Variants in ZNF516 observed in about 807,000 individuals in gnomAD.
ZNF516 encodes zinc finger protein 516.
In ZNF516, 19 loss-of-function variants were observed where a neutral mutation model predicts 79.7. The ratio of observed to expected loss-of-function variants is 0.24; its 90% CI spans 0.17 to 0.35. The LOEUF (loss-of-function observed/expected upper bound fraction) is 0.35, where lower values mean the gene tolerates loss of function less well. Among genes scored for constraint, ZNF516 ranks in the 10% least tolerant of loss-of-function variants. The pLI is 1.00. For missense variants in ZNF516, 1,678 were observed against 1,679.5 expected, an observed-to-expected ratio of 1.00 and a Z score of 0.02; for synonymous variants, 877 against 739.5, an observed-to-expected ratio of 1.19 and a Z score of -3.02.
Position 76,361,711 on chromosome 18 carries a change from T to C in ZNF516, c.*787A>G, listed in dbSNP as rs1243251065. 1 of 152,256 alleles carries C rather than the reference T, an allele frequency of 6.6e-6. No individual in the cohort carries two copies. The highest frequency in any genetic ancestry group is 1.9e-4 in the East Asian group (1 of 5,204). 9.4% of individuals were successfully genotyped at this position (152,256 alleles called of 1,614,324 possible). On this transcript the variant is annotated 3_prime_UTR_variant, in exon 7 of 7. Transcript: ENST00000443185. ...CCCTGTTACAAAAAGGTCCTGAGAA[T>C]AAACAAGAAGCCTGCTTTTCTTAGT... is the stretch of plus-strand genomic sequence containing the variant.
chr18:76,471,255 G>GA (rs533579669), intron 1 of ZNF516, among the ~76,000 whole-genome samples: 6,537 of 140,214 alleles, frequency 0.047, 172 homozygotes, highest in Non-Finnish European at 0.063. Flanking sequence ...CCTCCACACG[G>GA]AAAAAAAAAA....
At chr18:76,440,742 T>TGTG (rs1555711267) in intron 3 of ZNF516, among the ~76,000 whole-genome samples, 35 of 150,050 alleles carry the variant, frequency 2.3e-4, no homozygotes, top group Admixed American at 1.3e-3. Context: ...GTGTGTGTGT[T>TGTG]TGTGTGTGTG....
At chr18:76,447,894 AGT>A (rs1331579887) in intron 2 of ZNF516, among the ~76,000 whole-genome samples, 4 of 151,874 alleles carry the variant, frequency 2.6e-5, no homozygotes, top group Admixed American at 2.0e-4. Flanking sequence ...AGTGTGTGTG[AGT>A]GTGTGTGTAT....
intron 1 of ZNF516, among the ~76,000 whole-genome samples, chr18:76,486,401 T>C (rs1284394549): frequency 6.6e-6 from 1 of 152,234 alleles, no homozygotes; most frequent in Non-Finnish European, 1.5e-5. Context: ...AAATGTCCTT[T>C]ACTTTCACAT....
At chr18:76,489,998 C>CAT (rs774368409) in intron 1 of ZNF516, 5 of 191,038 alleles carry the variant, frequency 2.6e-5, no homozygotes, top group Non-Finnish European at 4.8e-5. Context: ...AAGGTTAATG[C>CAT]GCTCTGGTGT....
At chr18:76,397,039 A>G (rs2145187290) in intron 3 of ZNF516, among the ~76,000 whole-genome samples, 1 of 152,346 alleles carries the variant, frequency 6.6e-6, no homozygotes, top group South Asian at 2.1e-4. Context: ...CTTCAGAGGG[A>G]CACAAGGAGC....
At position 76,362,155 on chromosome 18, in the gene ZNF516, T is replaced by C. The variant is rs1391505544; in HGVS notation, c.*343A>G. The C allele has an allele frequency of 4.5e-6, 1 of 220,520 alleles. No homozygotes were observed. The highest frequency in any genetic ancestry group is 9.0e-6 in the Non-Finnish European group (1 of 110,774). The allele number at this position is 220,520 out of a possible 1,614,324, so 13.7% of individuals were successfully genotyped here. The stretch of plus-strand genomic sequence containing the variant: ...TTTTTCCAGTGTCTCAAACTTGTCT[T>C]GAATAAGACAGATGCCTTGTGCCCC... On this transcript the variant is annotated 3_prime_UTR_variant, in exon 7 of 7. Transcript: ENST00000443185.
intron 2 of ZNF516, among the ~76,000 whole-genome samples, chr18:76,462,429 C>T (rs1913176347): frequency 6.6e-6 from 1 of 152,246 alleles, no homozygotes; most frequent in Non-Finnish European, 1.5e-5. Context: ...ACATCGCCGT[C>T]AGGGCAGGTC....
rs771908592 is a variant in ZNF516 at position 76,379,323 on chromosome 18, G to T, written c.2791C>A (p.Pro931Thr). 6.3e-7 allele frequency: 1 copy of T among 1,599,404 alleles called. No individual in the cohort carries two copies. The highest frequency in any genetic ancestry group is 1.1e-5 in the South Asian group (1 of 89,638). ...GGGGFSRSAT[P>T]TPTVIARAGA... is the part of the protein sequence containing the mutation. ...GCCCGGGCGATGACGGTGGGCGTAG[G>T]GGTGGCGCTCCTGCTGAAGCCCCCG... Residue 931 changes from proline to threonine, a missense_variant, in exon 4 of 7, where the codon CCT becomes ACT. This residue lies in a region of ZNF516 where 1,294 missense variants were observed against 1,248.3 expected (regional missense o/e 1.04). Transcript: ENST00000443185.
chr18:76,390,881 G>A (rs1315803505), intron 3 of ZNF516, among the ~76,000 whole-genome samples: 6 of 152,236 alleles, frequency 3.9e-5, no homozygotes, highest in Middle Eastern at 6.8e-3. Flanking sequence ...GAAGGTCACC[G>A]TCCCATTTTG....
intron 5 of ZNF516, among the ~76,000 whole-genome samples, chr18:76,370,976 C>T (rs539728144): frequency 2.7e-4 from 41 of 152,304 alleles, no homozygotes; most frequent in African/African-American, 8.9e-4. Flanking sequence ...AATGCCCCTG[C>T]GCTGTCCTGA....
At chr18:76,450,127 AAG>A (rs1044411691) in intron 2 of ZNF516, among the ~76,000 whole-genome samples, 1 of 144,970 alleles carries the variant, frequency 6.9e-6, no homozygotes, top group Non-Finnish European at 1.5e-5. Context: ...ACCAAAGAGA[AAG>A]AGAGAGACGG....
intron 3 of ZNF516, among the ~76,000 whole-genome samples, chr18:76,439,129 G>C (rs1019927953): frequency 6.6e-6 from 1 of 152,202 alleles, no homozygotes; most frequent in Non-Finnish European, 1.5e-5. Context: ...TTCCAAGCTA[G>C]CCCTGTGAAA....
rs12967319 is a variant in ZNF516 at position 76,467,328 on chromosome 18, T to G, written c.-271-4187A>C. On this transcript the variant is annotated intron_variant, in intron 1 of 6. Coordinates refer to ENST00000443185, the MANE Select transcript of ZNF516 (RefSeq NM_014643.4). The surrounding 1 kb of genome is among the most constrained non-coding windows in gnomAD (Gnocchi z 4.2). ...ACCTGCAGCTGACAGCCCCTCTGGG[T>G]TGGCAGGAAGTCCTGCGTGTCTCTC... Among the ~76,000 whole-genome samples the G allele has an allele frequency of 9.3e-6, 1 of 108,052 alleles. No homozygotes were observed. The highest frequency in any genetic ancestry group is 3.9e-5 in the African/African-American group (1 of 25,720). 70.9% of individuals were successfully genotyped at this position (108,052 alleles called of 152,430 possible).
intron 1 of ZNF516, among the ~76,000 whole-genome samples, chr18:76,483,970 A>C (rs1328866522): frequency 1.3e-5 from 2 of 152,110 alleles, no homozygotes; most frequent in African/African-American, 2.4e-5. Flanking sequence ...ACATTTACTC[A>C]ACATGTTTCT....
intron 3 of ZNF516, among the ~76,000 whole-genome samples, chr18:76,415,114 T>C (rs993668935): frequency 6.6e-6 from 1 of 151,990 alleles, no homozygotes; most frequent in Non-Finnish European, 1.5e-5. Context: ...AGCAGAATTG[T>C]ACGAACCCAA....
At chr18:76,454,921 C>T (rs185579068) in intron 2 of ZNF516, among the ~76,000 whole-genome samples, 53 of 152,254 alleles carry the variant, frequency 3.5e-4, no homozygotes, top group Non-Finnish European at 1.9e-4. Flanking sequence ...TTTTTCTAAG[C>T]CAAAACATCT....
In ZNF516 at chr18:76,459,258, C is replaced by T. The variant is rs1014420731; in HGVS notation, c.-158+3770G>A. ...CCCGAGCTTCGGCTTCTCCTCCATG[C>T]ACGGTCACTGCTGGAGGCACACTGG... On this transcript the variant is annotated intron_variant, in intron 2 of 6. Transcript: ENST00000443185. This position sits in a 1 kb window ranked among gnomAD's most constrained non-coding sequence, Gnocchi z 5.0. Among the ~76,000 whole-genome samples, 1 of 152,196 alleles carries T rather than the reference C, an allele frequency of 6.6e-6. No homozygotes were observed. The highest frequency in any genetic ancestry group is 1.5e-5 in the Non-Finnish European group (1 of 68,040).
At chr18:76,367,938 T>C (rs1290645394) in intron 6 of ZNF516, among the ~76,000 whole-genome samples, 3 of 152,216 alleles carry the variant, frequency 2.0e-5, no homozygotes, top group Non-Finnish European at 2.9e-5. Context: ...CATCAAATAA[T>C]TTCTGCATGA....
Sources: allele counts gnomAD v4.1 joint callset (sites outside exome capture counted in the v4.1 genomes callset), GRCh38; gene constraint gnomAD v4.1.1; regional missense constraint gnomAD v4.1.1; non-coding constraint Gnocchi (gnomAD v3.1); transcripts MANE v1.5; gene names NCBI Gene and HGNC (gene_info 2026-07-23, HGNC 2026-07-21).